CCDC171: variants seen among roughly 807,000 people sequenced by gnomAD.
CCDC171 encodes the protein coiled-coil domain containing 171.
Under a neutral mutation model 168.2 loss-of-function variants are expected in CCDC171, and 177 were observed. That is an observed-to-expected ratio of 1.05 (90% CI 0.93 to 1.19). The LOEUF is 1.19. Among genes scored for constraint, CCDC171 ranks in the 50% most tolerant of loss-of-function variants. The pLI, the probability that CCDC171 is intolerant of heterozygous loss-of-function variation, is 0.00. For synonymous variants in CCDC171, 687 were observed against 540.8 expected (o/e 1.27, Z -3.75); for missense variants, 1,991 against 1,539.0 (o/e 1.29, Z -4.91).
In CCDC171 at chr9:15,668,264, G is replaced by A. The variant is rs111927149; in HGVS notation, c.1076+1941G>A. On this transcript the variant is annotated intron_variant, in intron 9 of 25. Transcript: ENST00000380701. ...TGAAGAAGAGAGTCTTATAAAGATT[G>A]GACTGGAGGAATTTTAACCTACTTG... is the stretch of plus-strand genomic sequence containing the variant. 2.6e-5 allele frequency among the ~76,000 whole-genome samples: 4 copies of A among 152,254 alleles called. 1 individual carries two copies. The highest frequency in any genetic ancestry group is 9.6e-5 in the African/African-American group (4 of 41,572).
rs780694266 is a variant in CCDC171, at chr9:15,744,669, A to G, written c.2446A>G (p.Ile816Val). The change falls in exon 17 of 26, where the codon ATT becomes GTT. Residue 816 changes from isoleucine (I) to valine (V), a missense_variant. Ile to Val is a conservative substitution (Grantham distance 29). Transcript: ENST00000380701. The stretch of plus-strand genomic sequence containing the variant: ...TGTTTTGGCAGCAAACAGACTCAAG[A>G]TTTTGGGCCAATCATGTGCCTCTCT... ...IAVLAANRLKILGQSCASLFT... is the reference protein window; with the variant it reads ...IAVLAANRLKVLGQSCASLFT... The G allele has an allele frequency of 2.5e-6, 4 of 1,614,174 alleles. No homozygotes were observed. In the Admixed American group the frequency reaches 5.0e-5, roughly 20 times the overall value.
intron 21 of CCDC171, among the ~76,000 whole-genome samples, chr9:15,814,901 G>A (rs1470659208): frequency 6.6e-6 from 1 of 152,142 alleles, no homozygotes; most frequent in East Asian, 1.9e-4. Flanking sequence ...ACATCCTAAT[G>A]GTTGGTGAGA....
At chr9:15,832,447 T>A (rs2060273193) in intron 21 of CCDC171, among the ~76,000 whole-genome samples, 1 of 152,212 alleles carries the variant, frequency 6.6e-6, no homozygotes, top group Non-Finnish European at 1.5e-5. Context: ...TCTACACACA[T>A]AGGCTCCATG....
chr9:15,906,700 G>A (rs982863524), intron 24 of CCDC171, among the ~76,000 whole-genome samples: 93 of 152,042 alleles, frequency 6.1e-4, no homozygotes, highest in African/African-American at 2.1e-3. Flanking sequence ...AGGAAATAAA[G>A]GGTATTCAAT....
At chr9:16,086,089 T>G in the CCDC171 span, among the ~76,000 whole-genome samples, 1 of 152,152 alleles carries the variant, frequency 6.6e-6, no homozygotes, top group East Asian at 1.9e-4. Context: ...TCCTGGACTT[T>G]TTTTGATTTG....
At chr9:15,874,897 A>T (rs1817646594) in intron 24 of CCDC171, 1 of 319,428 alleles carries the variant, frequency 3.1e-6, no homozygotes. Context: ...ACCAAGGAAA[A>T]ATGTGTTTTA....
At chr9:15,746,914 C>T (rs1378735441) in intron 18 of CCDC171, among the ~76,000 whole-genome samples, 2 of 152,208 alleles carry the variant, frequency 1.3e-5, no homozygotes, top group African/African-American at 4.8e-5. Context: ...CAGCTTTTCC[C>T]ACAGTCTTCA....
chr9:15,970,417 G>T (rs1021780177), intron 25 of CCDC171, among the ~76,000 whole-genome samples: 2 of 150,530 alleles, frequency 1.3e-5, no homozygotes, highest in Non-Finnish European at 3.0e-5. Flanking sequence ...TTAAAACCCT[G>T]CAATATAGAG....
At chr9:15,815,148 C>G (rs575879828) in intron 21 of CCDC171, among the ~76,000 whole-genome samples, 5 of 152,292 alleles carry the variant, frequency 3.3e-5, no homozygotes, top group African/African-American at 1.2e-4. Flanking sequence ...CATCTGCTTA[C>G]TTCTGCTATC....
chr9:15,905,708 C>A (rs1211116032), intron 24 of CCDC171, among the ~76,000 whole-genome samples: 1 of 151,964 alleles, frequency 6.6e-6, no homozygotes, highest in Non-Finnish European at 1.5e-5. Flanking sequence ...CACAAAAAAC[C>A]CTTCAAAAAA....
At chr9:16,094,442 G>A in the CCDC171 span, among the ~76,000 whole-genome samples, 1 of 152,176 alleles carries the variant, frequency 6.6e-6, no homozygotes, top group African/African-American at 2.4e-5. Context: ...TTAAACTATG[G>A]TGTCAGTGTG....
the CCDC171 span, among the ~76,000 whole-genome samples, chr9:16,092,838 C>T: frequency 6.6e-6 from 1 of 152,174 alleles, no homozygotes; most frequent in African/African-American, 2.4e-5. Flanking sequence ...ACCTGTGTCC[C>T]CAGGGGTGGG....
At chr9:16,097,997 C>A in the CCDC171 span, among the ~76,000 whole-genome samples, 17 of 152,142 alleles carry the variant, frequency 1.1e-4, no homozygotes, top group Non-Finnish European at 2.1e-4. Context: ...GTTAGCAGTG[C>A]CTACTGTGAG....
In CCDC171 at chr9:16,030,829, C is replaced by T. The variant is rs532734464; in HGVS notation, n.999-4628C>T. On this transcript the variant is annotated intron_variant and non_coding_transcript_variant, in intron 6 of 9. Coordinates refer to the CCDC171 transcript ENST00000486641. ...TCCATGTGATCGCTTCCCAAGGTGC[C>T]AACTCCTGGCTTTCCATCTGGGGAA... Among the ~76,000 whole-genome samples, 5 of 152,326 alleles carry T rather than the reference C, an allele frequency of 3.3e-5. No homozygotes were observed. In the South Asian group the frequency reaches 1.0e-3, roughly 32 times the overall value.
chr9:16,040,546 C>A (rs1833556234), upstream of CCDC171, among the ~76,000 whole-genome samples: 1 of 152,080 alleles, frequency 6.6e-6, no homozygotes, highest in Non-Finnish European at 1.5e-5. Context: ...TTGTTTGTGC[C>A]CAGTGGTGCA....
At chr9:15,711,222 A>C (rs891170946) in intron 11 of CCDC171, among the ~76,000 whole-genome samples, 4 of 152,218 alleles carry the variant, frequency 2.6e-5, no homozygotes, top group African/African-American at 9.6e-5. Context: ...AAATTTTACT[A>C]TCCACAGATT....
At chr9:15,989,154 G>A (rs2382549) in intron 3 of CCDC171, among the ~76,000 whole-genome samples, 75,237 of 152,054 alleles carry the variant, frequency 0.49, 20,012 homozygotes, top group African/African-American at 0.7. Context: ...TGACCCCCGA[G>A]TAGCCTAACT....
At chr9:15,999,254 AAG>A (rs1279084861) in intron 3 of CCDC171, among the ~76,000 whole-genome samples, 1 of 151,298 alleles carries the variant, frequency 6.6e-6, no homozygotes, top group East Asian at 1.9e-4. Context: ...AAAAGAAAGA[AAG>A]AGAGAAAGAG....
chr9:15,983,602 C>T (rs947694327), intron 3 of CCDC171, among the ~76,000 whole-genome samples: 10 of 151,244 alleles, frequency 6.6e-5, no homozygotes, highest in African/African-American at 2.4e-4. Flanking sequence ...CTCAGTTCTC[C>T]TCCCAAAGTC....
Sources: gnomAD v4.1 joint callset for allele counts (sites outside exome capture counted in the v4.1 genomes callset) on GRCh38, gnomAD v4.1.1 for gene constraint, MANE v1.5 for transcripts, NCBI Gene and HGNC (gene_info 2026-07-23, HGNC 2026-07-21) for gene names.